Variants in CDKAL1 observed in about 807,000 individuals in gnomAD.
CDKAL1 encodes threonylcarbamoyladenosine tRNA methylthiotransferase.
CDKAL1 carries 32 observed loss-of-function variants against 68.2 expected under a neutral mutation model. The observed-to-expected ratio is 0.47, with a 90% confidence interval of 0.35 to 0.63. CDKAL1 has a LOEUF of 0.63. CDKAL1 is among the 30% of genes least tolerant of loss of function. The pLI is 0.00. For missense variants in CDKAL1, 606 were observed against 696.7 expected, an observed-to-expected ratio of 0.87 and a Z score of 1.47; for synonymous variants, 234 against 244.3, an observed-to-expected ratio of 0.96 and a Z score of 0.39.
At chr6:20,796,457 G>A (rs879927625) in intron 8 of CDKAL1, among the ~76,000 whole-genome samples, 6 of 152,162 alleles carry the variant, frequency 3.9e-5, no homozygotes, top group East Asian at 1.9e-4. Flanking sequence ...ATTCCAGTAA[G>A]ATTTTTCTTG....
chr6:20,740,481 C>T (rs1023399799), intron 6 of CDKAL1, among the ~76,000 whole-genome samples: 1 of 152,148 alleles, frequency 6.6e-6, no homozygotes, highest in African/African-American at 2.4e-5. Context: ...GATGGTGCTT[C>T]TTCCTTCCCA....
intron 5 of CDKAL1, among the ~76,000 whole-genome samples, chr6:20,677,035 TTTA>T (rs1023057277): frequency 2.0e-5 from 3 of 152,060 alleles, no homozygotes; most frequent in Non-Finnish European, 4.4e-5. Flanking sequence ...TTCTTCTGTT[TTTA>T]TTATTATTTA....
intron 9 of CDKAL1, among the ~76,000 whole-genome samples, chr6:20,889,341 A>G (rs1036412230): frequency 3.3e-5 from 5 of 152,230 alleles, no homozygotes; most frequent in African/African-American, 9.6e-5. Flanking sequence ...CTCTGATGGT[A>G]GTTTCTTCTG....
intron 8 of CDKAL1, among the ~76,000 whole-genome samples, chr6:20,823,964 A>G (rs1204916199): frequency 2.0e-5 from 3 of 152,142 alleles, no homozygotes; most frequent in Non-Finnish European, 2.9e-5. Flanking sequence ...TCCAGTCACA[A>G]CCACCACTGG....
At chr6:20,856,760 T>G (rs545657903) in intron 9 of CDKAL1, among the ~76,000 whole-genome samples, 2 of 152,150 alleles carry the variant, frequency 1.3e-5, no homozygotes, top group Non-Finnish European at 1.5e-5. Flanking sequence ...AGGCTGCAAG[T>G]TGGTTTTGGA....
chr6:21,181,956 C>T (rs917566399), intron 13 of CDKAL1, among the ~76,000 whole-genome samples: 14 of 152,212 alleles, frequency 9.2e-5, no homozygotes, highest in Admixed American at 9.2e-4. Flanking sequence ...CTTCAAGACA[C>T]GTAATAAGTA....
rs1268073337 is a variant in CDKAL1, at chr6:21,231,991, G to GTTTTTTTTT, written c.*952_*953insTTTTTTTTT. 1 of 130,468 alleles carries GTTTTTTTTT rather than the reference G, an allele frequency of 7.7e-6. No homozygotes were observed. The highest frequency in any genetic ancestry group is 1.7e-5 in the Non-Finnish European group (1 of 58,830). The allele number at this position is 130,468 out of a possible 1,614,324, so 8.1% of individuals were successfully genotyped here. A position where few individuals can be genotyped will look rare whatever the true frequency, so the allele number is the denominator to read the frequency against. On this transcript the variant is annotated 3_prime_UTR_variant, in exon 16 of 16. Coordinates refer to ENST00000274695, the MANE Select transcript of CDKAL1 (RefSeq NM_017774.3). Reference sequence around the variant, plus strand: ...TTTTCTCACATTTTTGATCCATTGGGGTTTTTTTTTTGTTTTTGTTTTTTT... The same window carrying GTTTTTTTTT: ...TTTTCTCACATTTTTGATCCATTGGGTTTTTTTTTGTTTTTTTTTTGTTTTTGTTTTTTT...
At chr6:21,210,133 A>T (rs972640109) in intron 15 of CDKAL1, among the ~76,000 whole-genome samples, 1 of 152,210 alleles carries the variant, frequency 6.6e-6, no homozygotes, top group Non-Finnish European at 1.5e-5. Context: ...TGGTCATCCT[A>T]TAAATTCCAA....
chr6:20,902,481 G>A (rs754902183), intron 9 of CDKAL1, among the ~76,000 whole-genome samples: 2 of 152,176 alleles, frequency 1.3e-5, no homozygotes, highest in Non-Finnish European at 2.9e-5. Context: ...AAGACTGGAA[G>A]AGGCAACTAT....
rs370218043 is a variant in CDKAL1, at chr6:21,215,811, C to T, written c.1548+14537C>T. Among the ~76,000 whole-genome samples, 344 of 152,232 alleles carry T rather than the reference C, an allele frequency of 2.3e-3. 2 individuals carry two copies. Among genetic ancestry groups the T allele is most frequent in the African/African-American group, 7.7e-3 (320 of 41,542 alleles). Reference sequence around the variant, plus strand: ...CAGAATAATGCCCCCCACTTCACCCCCCAAAGGTGATCGTGTCCTAATCCC... The same window carrying T: ...CAGAATAATGCCCCCCACTTCACCCTCCAAAGGTGATCGTGTCCTAATCCC... On this transcript the variant is annotated intron_variant, in intron 15 of 15. Coordinates refer to ENST00000274695, the MANE Select transcript of CDKAL1 (RefSeq NM_017774.3).
At chr6:21,071,153 T>A (rs1429389756) in intron 12 of CDKAL1, among the ~76,000 whole-genome samples, 1 of 152,230 alleles carries the variant, frequency 6.6e-6, no homozygotes, top group Non-Finnish European at 1.5e-5. Context: ...TTTTTAAACA[T>A]TTATATGGTT....
In CDKAL1 at chr6:21,175,588, G is replaced by A. The variant is rs559130660; in HGVS notation, c.1300-22433G>A. 6.7e-4 allele frequency among the ~76,000 whole-genome samples: 102 copies of A among 152,164 alleles called. 1 individual carries two copies. The highest frequency in any genetic ancestry group is 2.3e-3 in the African/African-American group (97 of 41,542). On this transcript the variant is annotated intron_variant, in intron 13 of 15. Transcript: ENST00000274695. Reference sequence around the variant, plus strand: ...TTAGCCTTTTATTTTTATTTTCAAAGGCTACATGGTTATGTGTGTCATTTA... The same window carrying A: ...TTAGCCTTTTATTTTTATTTTCAAAAGCTACATGGTTATGTGTGTCATTTA...
chr6:20,690,462 T>C (rs1270149308), intron 5 of CDKAL1, among the ~76,000 whole-genome samples: 1 of 152,192 alleles, frequency 6.6e-6, no homozygotes, highest in African/African-American at 2.4e-5. Context: ...TTCAACACTG[T>C]TCTCTAGAGA....
intron 8 of CDKAL1, among the ~76,000 whole-genome samples, chr6:20,818,296 C>T (rs1052974600): frequency 6.6e-6 from 1 of 152,112 alleles, no homozygotes; most frequent in African/African-American, 2.4e-5. Context: ...AGTAATGTCA[C>T]GTGGCTCACA....
intron 12 of CDKAL1, among the ~76,000 whole-genome samples, chr6:21,093,670 T>A (rs1007293857): frequency 6.9e-4 from 100 of 144,392 alleles, no homozygotes; most frequent in African/African-American, 2.3e-3. Flanking sequence ...AAGACATAGA[T>A]AACCAACTGA....
intron 4 of CDKAL1, among the ~76,000 whole-genome samples, chr6:20,570,634 C>G (rs1345456434): frequency 6.6e-6 from 1 of 152,176 alleles, no homozygotes; most frequent in African/African-American, 2.4e-5. Flanking sequence ...TTCCTGACCT[C>G]AGGTGATTCA....
intron 13 of CDKAL1, among the ~76,000 whole-genome samples, chr6:21,156,425 A>AAAC (rs386406390): frequency 1.6e-5 from 1 of 61,782 alleles, no homozygotes. Flanking sequence ...CCCTGTCTCC[A>AAAC]AAAAAAAAAA....
intron 11 of CDKAL1, among the ~76,000 whole-genome samples, chr6:21,043,329 G>T (rs1770036942): frequency 7.2e-6 from 1 of 139,690 alleles, no homozygotes; most frequent in Non-Finnish European, 1.6e-5. Context: ...ATATATGTGT[G>T]TGTATGTGTG....
chr6:20,593,796 T>C (rs1354441470), intron 4 of CDKAL1, among the ~76,000 whole-genome samples: 1 of 152,274 alleles, frequency 6.6e-6, no homozygotes, highest in Non-Finnish European at 1.5e-5. Flanking sequence ...TCTTTCCCAC[T>C]TTCTGCTGTG....
Sources: allele counts gnomAD v4.1 joint callset (sites outside exome capture counted in the v4.1 genomes callset), GRCh38; gene constraint gnomAD v4.1.1; transcripts MANE v1.5; gene names NCBI Gene and HGNC (gene_info 2026-07-23, HGNC 2026-07-21).